The following SNTG2 variants were observed in gnomAD, a reference collection of about 807,000 sequenced individuals.
SNTG2 encodes the protein gamma-2-syntrophin.
In SNTG2, 74 loss-of-function variants were observed where a neutral mutation model predicts 70.9. The observed-to-expected ratio is 1.04, with a 90% confidence interval of 0.86 to 1.27. The LOEUF (loss-of-function observed/expected upper bound fraction) is 1.27, where lower values mean the gene tolerates loss of function less well. SNTG2 is among the 50% of genes most tolerant of loss of function. The pLI is 0.00. For missense variants in SNTG2, 717 were observed against 690.7 expected (o/e 1.04, Z -0.43); for synonymous variants, 278 against 273.8 (o/e 1.02, Z -0.15).
chr2:1,159,888 A>G (rs1395366910), intron 6 of SNTG2, among the ~76,000 whole-genome samples: 1 of 152,218 alleles, frequency 6.6e-6, no homozygotes, highest in African/African-American at 2.4e-5. Flanking sequence ...ATTAGGGATG[A>G]AAGGGGAGGG....
chr2:1,150,745 T>C (rs933461580), intron 6 of SNTG2, among the ~76,000 whole-genome samples: 3 of 152,148 alleles, frequency 2.0e-5, no homozygotes, highest in African/African-American at 7.2e-5. Context: ...AGAGGGTCAG[T>C]ATCTATGCCT....
At chr2:1,340,078 G>A (rs1043846346) in intron 16 of SNTG2, among the ~76,000 whole-genome samples, 3 of 152,208 alleles carry the variant, frequency 2.0e-5, no homozygotes, top group Admixed American at 2.0e-4. Context: ...CCTCTCCATG[G>A]CCTCTGACAA....
chr2:1,141,058 G>A (rs1668716206), intron 6 of SNTG2, among the ~76,000 whole-genome samples: 1 of 152,154 alleles, frequency 6.6e-6, no homozygotes, highest in South Asian at 2.1e-4. Context: ...GAGCAGGAAG[G>A]AACCTTCCAA....
chr2:1,161,990 T>C (rs930212886), intron 6 of SNTG2, among the ~76,000 whole-genome samples: 86 of 145,926 alleles, frequency 5.9e-4, no homozygotes, highest in Middle Eastern at 3.7e-3. Context: ...AGGAGAATTG[T>C]GTGAACCCGG....
At chr2:1,270,676 G>T (rs1466849708) in intron 14 of SNTG2, among the ~76,000 whole-genome samples, 1 of 152,168 alleles carries the variant, frequency 6.6e-6, no homozygotes, top group Non-Finnish European at 1.5e-5. Context: ...ACAGTCCCCG[G>T]CATACTTCAA....
chr2:1,193,019 G>C (rs1019544542), intron 8 of SNTG2, among the ~76,000 whole-genome samples: 6 of 152,222 alleles, frequency 3.9e-5, no homozygotes, highest in Non-Finnish European at 8.8e-5. Flanking sequence ...CCATGCTGGA[G>C]ACCCCTCTAT....
chr2:1,342,379 C>T (rs1342536486), intron 16 of SNTG2, among the ~76,000 whole-genome samples: 1 of 58,796 alleles, frequency 1.7e-5, no homozygotes, highest in Non-Finnish European at 3.1e-5. Flanking sequence ...GTTCTGGGCA[C>T]GCCTGGCCCA....
chr2:1,109,705 AT>A (rs1392411499), intron 4 of SNTG2, among the ~76,000 whole-genome samples: 1 of 152,214 alleles, frequency 6.6e-6, no homozygotes, highest in Non-Finnish European at 1.5e-5. Flanking sequence ...CCACAGTTTA[AT>A]TCCACTTAAA....
At chr2:1,174,294 ATATATAT>A (rs1305413802) in intron 8 of SNTG2, among the ~76,000 whole-genome samples, 13 of 66,782 alleles carry the variant, frequency 1.9e-4, no homozygotes, top group Non-Finnish European at 2.3e-4. Context: ...TTATCCATAT[ATATATAT>A]ATATATATGT....
At chr2:1,228,605 A>G (rs1326140165) in intron 9 of SNTG2, among the ~76,000 whole-genome samples, 1 of 152,184 alleles carries the variant, frequency 6.6e-6, no homozygotes, top group Non-Finnish European at 1.5e-5. Context: ...GACTAAAGGG[A>G]CAGGAGCCGA....
chr2:1,169,711 C>T (rs1044006023), intron 7 of SNTG2, among the ~76,000 whole-genome samples: 16 of 152,160 alleles, frequency 1.1e-4, no homozygotes, highest in Non-Finnish European at 2.1e-4. Flanking sequence ...GCGTTGCTGC[C>T]GGCATCCTGA....
chr2:1,030,879 C>A (rs1353017326), intron 1 of SNTG2, among the ~76,000 whole-genome samples: 2 of 152,154 alleles, frequency 1.3e-5, no homozygotes, highest in African/African-American at 4.8e-5. Context: ...ATTCGTGTGA[C>A]CCCAGATTCA....
chr2:1,113,362 C>G (rs1006389401), intron 4 of SNTG2, among the ~76,000 whole-genome samples: 1 of 150,586 alleles, frequency 6.6e-6, no homozygotes, highest in Non-Finnish European at 1.5e-5. Context: ...GAGGTTTAAC[C>G]CTTACAGTGT....
chr2:1,289,370 A>G (rs1374340232), intron 14 of SNTG2, among the ~76,000 whole-genome samples: 14 of 151,908 alleles, frequency 9.2e-5, no homozygotes, highest in Non-Finnish European at 1.6e-4. Context: ...GAGCCTGCTC[A>G]GTCTACTCAC....
chr2:1,224,880 C>T (rs1675665483), intron 9 of SNTG2, among the ~76,000 whole-genome samples: 1 of 152,188 alleles, frequency 6.6e-6, no homozygotes, highest in South Asian at 2.1e-4. Context: ...AGAGTGGTTA[C>T]GTTCCTGGAG....
chr2:1,342,191 A>C (rs918757440), intron 16 of SNTG2, among the ~76,000 whole-genome samples: 7 of 151,908 alleles, frequency 4.6e-5, no homozygotes, highest in African/African-American at 1.7e-4. Context: ...TCCTTAGACA[A>C]GGCCGGTTTC....
intron 14 of SNTG2, among the ~76,000 whole-genome samples, chr2:1,285,701 A>T (rs549085017): frequency 2.6e-5 from 4 of 152,230 alleles, no homozygotes; most frequent in Non-Finnish European, 5.9e-5. Context: ...ATCTGGTCAC[A>T]TGGTCATAGC....
intron 9 of SNTG2, among the ~76,000 whole-genome samples, chr2:1,221,407 C>A: frequency 6.6e-6 from 1 of 151,270 alleles, no homozygotes; most frequent in Non-Finnish European, 1.5e-5. Context: ...CTGTCCCTCT[C>A]AGTCTCTGGT....
intron 1 of SNTG2, among the ~76,000 whole-genome samples, chr2:962,247 A>G (rs1006099053): frequency 6.6e-6 from 1 of 152,080 alleles, no homozygotes; most frequent in Non-Finnish European, 1.5e-5. Context: ...TAACTTTTTA[A>G]CTTTTATACC....
Sources: gnomAD v4.1 joint callset for allele counts (sites outside exome capture counted in the v4.1 genomes callset) on GRCh38, gnomAD v4.1.1 for gene constraint, MANE v1.5 for transcripts, NCBI Gene and HGNC (gene_info 2026-07-23, HGNC 2026-07-21) for gene names.